The following VAV3 variants were observed in gnomAD, a reference collection of about 807,000 sequenced individuals.
The protein encoded by VAV3 is guanine nucleotide exchange factor VAV3.
Under a neutral mutation model 131.2 loss-of-function variants are expected in VAV3, and 94 were observed. The observed-to-expected ratio is 0.72, with a 90% CI of 0.61 to 0.85. The LOEUF is 0.85. Ranked by LOEUF, VAV3 falls within the 40% of genes least tolerant of loss-of-function variation. The probability of loss-of-function intolerance (pLI) is 0.00; values close to 1 mark genes in which losing one functional copy is unlikely to be tolerated. For synonymous variants in VAV3, 349 were observed against 342.0 expected, an observed-to-expected ratio of 1.02 and a Z score of -0.22; for missense variants, 939 against 1,002.7, an observed-to-expected ratio of 0.94 and a Z score of 0.86.
At chr1:107,703,852 A>G (rs1660283466) in intron 17 of VAV3, among the ~76,000 whole-genome samples, 1 of 152,196 alleles carries the variant, frequency 6.6e-6, no homozygotes, top group Non-Finnish European at 1.5e-5. Flanking sequence ...ACAAAGAGAA[A>G]AAAGAAGAAA....
chr1:107,906,372 A>G (rs1052058457), intron 1 of VAV3, among the ~76,000 whole-genome samples: 1 of 152,210 alleles, frequency 6.6e-6, no homozygotes, highest in Non-Finnish European at 1.5e-5. Context: ...CTTGTATAAA[A>G]TAACAAATCG....
intron 1 of VAV3, among the ~76,000 whole-genome samples, chr1:107,912,423 C>G (rs1316716672): frequency 1.3e-5 from 2 of 152,168 alleles, no homozygotes; most frequent in African/African-American, 4.8e-5. Context: ...ATACCAGCAA[C>G]TTAAAGGCTT....
intron 25 of VAV3, among the ~76,000 whole-genome samples, chr1:107,581,378 C>T (rs1650040142): frequency 6.6e-6 from 1 of 152,194 alleles, no homozygotes; most frequent in Admixed American, 6.5e-5. Flanking sequence ...TAGCAAATGA[C>T]TCAGTGGCTC....
intron 18 of VAV3, among the ~76,000 whole-genome samples, chr1:107,687,254 G>A (rs1659095742): frequency 6.6e-6 from 1 of 152,080 alleles, no homozygotes; most frequent in African/African-American, 2.4e-5. Flanking sequence ...AGGTGCATAT[G>A]AGCCTCTTTA....
At chr1:107,644,388 T>A (rs573105390) in intron 19 of VAV3, among the ~76,000 whole-genome samples, 4 of 152,250 alleles carry the variant, frequency 2.6e-5, no homozygotes, top group South Asian at 2.1e-4. Flanking sequence ...CACCTCCTTT[T>A]TATTGAGCAT....
chr1:107,944,230 C>T (rs1462647956), intron 1 of VAV3, among the ~76,000 whole-genome samples: 8 of 152,234 alleles, frequency 5.3e-5, no homozygotes, highest in Non-Finnish European at 1.2e-4. Context: ...TCATCTTCTA[C>T]TTACCCTCTC....
rs114223687 is a variant in VAV3, at chr1:107,756,691, T to C, written c.1086+570A>G. Among the ~76,000 whole-genome samples, 1,190 of 152,094 alleles carry C rather than the reference T, an allele frequency of 7.8e-3. 13 individuals carry two copies. The highest frequency in any genetic ancestry group is 0.027 in the African/African-American group (1,133 of 41,518). ...GAGGTTTTACATATTCCCCAGTATG[T>C]TCAAAATGTCTGTCTTTTCTATTCA... On this transcript the variant is annotated intron_variant, in intron 11 of 26. Coordinates refer to ENST00000370056, the MANE Select transcript of VAV3 (RefSeq NM_006113.5).
At chr1:107,615,148 G>A (rs746155164) in intron 21 of VAV3, among the ~76,000 whole-genome samples, 7 of 151,986 alleles carry the variant, frequency 4.6e-5, no homozygotes, top group Admixed American at 2.6e-4. Context: ...ACAGAATAAA[G>A]AGCCCAGAAA....
chr1:107,959,756 T>G (rs754448265), intron 1 of VAV3, among the ~76,000 whole-genome samples: 3 of 152,146 alleles, frequency 2.0e-5, no homozygotes, highest in Admixed American at 6.5e-5. Context: ...ACTTTATACC[T>G]ACATCTCCAA....
chr1:107,703,580 T>C (rs775022088), intron 17 of VAV3, among the ~76,000 whole-genome samples: 1 of 152,222 alleles, frequency 6.6e-6, no homozygotes. Flanking sequence ...GAATGTGCTA[T>C]GATCTCAGTC....
At chr1:107,814,594 C>T (rs1226126135) in intron 2 of VAV3, among the ~76,000 whole-genome samples, 2 of 152,156 alleles carry the variant, frequency 1.3e-5, no homozygotes, top group South Asian at 2.1e-4. Flanking sequence ...TGTCTCTTCA[C>T]TTTGTTTTCT....
intron 1 of VAV3, among the ~76,000 whole-genome samples, chr1:107,962,904 G>A (rs993070326): frequency 1.6e-4 from 24 of 152,250 alleles, no homozygotes; most frequent in African/African-American, 5.8e-4. Context: ...AAGTATCCTG[G>A]TGTGCTCATT....
At chr1:107,590,579 T>C (rs144257526) in intron 25 of VAV3, among the ~76,000 whole-genome samples, 26 of 152,330 alleles carry the variant, frequency 1.7e-4, no homozygotes, top group African/African-American at 5.8e-4. Context: ...TCCTGAACCA[T>C]TGAATATCCG....
chr1:107,676,543 G>C (rs1302261931), intron 19 of VAV3, among the ~76,000 whole-genome samples: 1 of 152,084 alleles, frequency 6.6e-6, no homozygotes, highest in Non-Finnish European at 1.5e-5. Flanking sequence ...TGGAGTCCCT[G>C]GATCCATCTC....
chr1:107,910,413 G>A (rs964914046), intron 1 of VAV3, among the ~76,000 whole-genome samples: 1 of 152,170 alleles, frequency 6.6e-6, no homozygotes, highest in Non-Finnish European at 1.5e-5. Context: ...TCAGAATTTA[G>A]TAAGTCTATC....
rs191472372 is a variant in VAV3 at position 107,765,049 on chromosome 1, T to G, written c.921+27A>C. 23 of 1,533,794 alleles carry G rather than the reference T, an allele frequency of 1.5e-5. No individual in the cohort carries two copies. The Admixed American group carries it at 2.4e-4, about 16-fold the overall frequency. The stretch of plus-strand genomic sequence containing the variant: ...TTGCTTTTAGGTTTATTTTGCTTTA[T>G]GTCATAAACTAAAAATAAATAGGCA... On this transcript the variant is annotated intron_variant, in intron 9 of 26. Coordinates refer to ENST00000370056, the MANE Select transcript of VAV3 (RefSeq NM_006113.5).
chr1:107,768,256 G>A (rs1045794922), intron 7 of VAV3, among the ~76,000 whole-genome samples, 185 bp downstream of exon 7: 1 of 152,050 alleles, frequency 6.6e-6, no homozygotes, highest in African/African-American at 2.4e-5. Context: ...TTTGGTTGAA[G>A]ATATGATACA....
intron 1 of VAV3, among the ~76,000 whole-genome samples, chr1:107,951,316 A>G (rs1019343884): frequency 1.8e-4 from 27 of 152,136 alleles, no homozygotes; most frequent in African/African-American, 6.5e-4. Flanking sequence ...AACATCCAAT[A>G]ACTTTATTTC....
chr1:107,790,679 CTTTTTTTTT>C (rs145926469), intron 2 of VAV3, among the ~76,000 whole-genome samples: 2 of 69,840 alleles, frequency 2.9e-5, no homozygotes, highest in East Asian at 1.0e-3. Context: ...AAATGTCTTC[CTTTTTTTTT>C]TTTTTTTTTT....
Sources: allele counts gnomAD v4.1 joint callset (sites outside exome capture counted in the v4.1 genomes callset), GRCh38; gene constraint gnomAD v4.1.1; transcripts MANE v1.5; gene names NCBI Gene and HGNC (gene_info 2026-07-23, HGNC 2026-07-21).